Variants in GNB1L observed in about 807,000 individuals in gnomAD.
The protein encoded by GNB1L is G protein subunit beta 1 like.
In GNB1L, 20 loss-of-function variants were observed where a neutral mutation model predicts 29.1. The observed-to-expected ratio is 0.69, with a 90% CI of 0.48 to 1.00. GNB1L has a LOEUF of 1.00. GNB1L is among the 50% of genes least tolerant of loss of function. GNB1L has a pLI of 0.00. For synonymous variants in GNB1L, 193 were observed against 206.5 expected, an observed-to-expected ratio of 0.93 and a Z score of 0.56; for missense variants, 421 against 464.9, an observed-to-expected ratio of 0.91 and a Z score of 0.87.
chr22:19,804,080 G>A (rs1249835772), intron 6 of GNB1L, among the ~76,000 whole-genome samples: 1 of 152,242 alleles, frequency 6.6e-6, no homozygotes, highest in Non-Finnish European at 1.5e-5. Context: ...TGGCCTGGAG[G>A]GGCTTGCCCT....
At chr22:19,791,354 C>G (rs1937251381) in intron 7 of GNB1L, among the ~76,000 whole-genome samples, 1 of 152,228 alleles carries the variant, frequency 6.6e-6, no homozygotes, top group South Asian at 2.1e-4. Context: ...AGTCTTCTTG[C>G]TGTAAACAAC....
chr22:19,848,822 C>T (rs1025504334), intron 2 of GNB1L: 3 of 985,296 alleles, frequency 3.0e-6, no homozygotes, highest in Non-Finnish European at 3.6e-6. Flanking sequence ...CAATCCCAGG[C>T]TGGAGTATCC....
chr22:19,815,422 G>C (rs1374090309), intron 4 of GNB1L, among the ~76,000 whole-genome samples: 1 of 152,206 alleles, frequency 6.6e-6, no homozygotes, highest in African/African-American at 2.4e-5. Context: ...AGGCGGCAAG[G>C]CTCAACATGA....
At chr22:19,812,515 G>A (rs78848813) in intron 4 of GNB1L, 68 bp from the exon 5 acceptor site, 2 of 1,426,934 alleles carry the variant, frequency 1.4e-6, no homozygotes, top group East Asian at 4.8e-5. Context: ...GGCCCCTGCA[G>A]CGGAAGGAAG....
At chr22:19,831,363 T>TA (rs750705463) in intron 2 of GNB1L, among the ~76,000 whole-genome samples, 28,931 of 119,290 alleles carry the variant, frequency 0.24, 3,360 homozygotes, top group African/African-American at 0.34. Context: ...AGACTCTATC[T>TA]AAAAAAAAAA....
At chr22:19,845,757 C>T (rs758350177) in intron 2 of GNB1L, among the ~76,000 whole-genome samples, 17 of 151,704 alleles carry the variant, frequency 1.1e-4, no homozygotes, top group Admixed American at 5.2e-4. Context: ...GGCTGTCCAG[C>T]GACAAGGCAC....
At position 19,786,260 on chromosome 22, in the gene GNB1L, A is replaced by G. The variant is rs796190272; in HGVS notation, c.*2449T>C. On this transcript the variant is annotated 3_prime_UTR_variant, in exon 8 of 8. Transcript: ENST00000329517. Reference sequence around the variant, plus strand: ...TCCATCCCTGCACACTGAGATTCAGAACAAGATGTGCCTGGACACTGCTCA... The same window carrying G: ...TCCATCCCTGCACACTGAGATTCAGGACAAGATGTGCCTGGACACTGCTCA... 88 of 152,422 alleles carry G rather than the reference A, an allele frequency of 5.8e-4. No individual in the cohort carries two copies. Among genetic ancestry groups the G allele is most frequent in the African/African-American group, 2.1e-3 (88 of 41,580 alleles). The allele number at this position is 152,422 out of a possible 1,614,324, so 9.4% of individuals were successfully genotyped here. A position where few individuals can be genotyped will look rare whatever the true frequency, so the allele number is the denominator to read the frequency against.
At chr22:19,819,731 C>G (rs889110044) in intron 4 of GNB1L, among the ~76,000 whole-genome samples, 6 of 152,174 alleles carry the variant, frequency 3.9e-5, no homozygotes, top group African/African-American at 1.2e-4. Context: ...GACAAGTAAT[C>G]CCCAAGTGAT....
chr22:19,853,059 T>C (rs1460992821), intron 2 of GNB1L, among the ~76,000 whole-genome samples: 1 of 152,188 alleles, frequency 6.6e-6, no homozygotes, highest in Non-Finnish European at 1.5e-5. Context: ...AGGTCCTACC[T>C]GCTTCCCCGA....
intron 5 of GNB1L, among the ~76,000 whole-genome samples, chr22:19,810,857 G>A (rs1463920905): frequency 2.6e-5 from 4 of 152,222 alleles, no homozygotes; most frequent in East Asian, 1.9e-4. Context: ...GGAAAAGACA[G>A]ATGCTGCCCC....
chr22:19,808,734 T>A (rs1243292894), intron 5 of GNB1L, among the ~76,000 whole-genome samples: 1 of 152,224 alleles, frequency 6.6e-6, no homozygotes, highest in East Asian at 1.9e-4. Flanking sequence ...GGGTTCCTCC[T>A]CTTAGGATCA....
At chr22:19,832,674 G>A (rs906619508) in intron 2 of GNB1L, among the ~76,000 whole-genome samples, 1 of 152,198 alleles carries the variant, frequency 6.6e-6, no homozygotes. Context: ...ACAGAGCCCA[G>A]GGGAAAGTGA....
chr22:19,852,002 G>C (rs1555904044), intron 2 of GNB1L: 2 of 1,614,196 alleles, frequency 1.2e-6, no homozygotes, highest in South Asian at 2.2e-5. Flanking sequence ...TCGGGAGCTG[G>C]GCATGTGCCC....
At chr22:19,844,233 G>C (rs1937914409) in intron 2 of GNB1L, among the ~76,000 whole-genome samples, 1 of 152,214 alleles carries the variant, frequency 6.6e-6, no homozygotes, top group Non-Finnish European at 1.5e-5. Flanking sequence ...CGCCCAAATG[G>C]CGTGATTCGT....
intron 7 of GNB1L, among the ~76,000 whole-genome samples, chr22:19,791,578 T>C (rs2145859952): frequency 6.6e-6 from 1 of 152,152 alleles, no homozygotes; most frequent in African/African-American, 2.4e-5. Flanking sequence ...CTGAAATCCA[T>C]GGGGCAAGGC....
At chr22:19,810,268 C>A (rs1200485132) in intron 5 of GNB1L, among the ~76,000 whole-genome samples, 1 of 152,132 alleles carries the variant, frequency 6.6e-6, no homozygotes, top group African/African-American at 2.4e-5. Context: ...ATACACAGTC[C>A]CCAACCAAGG....
chr22:19,796,401 T>TGACAACCAGCACTGCCTCC (rs1404953793), intron 7 of GNB1L, among the ~76,000 whole-genome samples: 1 of 152,214 alleles, frequency 6.6e-6, no homozygotes, highest in Non-Finnish European at 1.5e-5. Context: ...GCGGGGCATC[T>TGACAACCAGCACTGCCTCC]GACAACCAGC....
Position 19,821,346 on chromosome 22 carries a change from G to T in GNB1L, c.10C>A (p.Pro4Thr). The change falls in exon 3 of 8, where the codon CCC (proline) becomes ACC (threonine). Residue 4 changes from proline (P) to threonine (T), a missense_variant. Pro to Thr is a conservative substitution (Grantham distance 38). Coordinates refer to ENST00000329517, the MANE Select transcript of GNB1L (RefSeq NM_053004.3). MTA[P>T]CPPPPPDPQF... is the part of the protein sequence containing the mutation. ...GGGTCTGGAGGTGGCGGCGGGCAGG[G>T]GGCCGTCATGCTGGGCAGGATGCAG... 1 of 1,612,448 alleles carries T rather than the reference G, an allele frequency of 6.2e-7. No homozygotes were observed.
At chr22:19,836,184 A>G (rs1432287972) in intron 2 of GNB1L, among the ~76,000 whole-genome samples, 1 of 147,756 alleles carries the variant, frequency 6.8e-6, no homozygotes, top group African/African-American at 2.7e-5. Flanking sequence ...AAAAGAGAAG[A>G]GACAAATTAT....
Sources: gnomAD v4.1 joint callset for allele counts (sites outside exome capture counted in the v4.1 genomes callset) on GRCh38, gnomAD v4.1.1 for gene constraint, MANE v1.5 for transcripts, NCBI Gene and HGNC (gene_info 2026-07-23, HGNC 2026-07-21) for gene names.